The following TMOD3 variants were observed in gnomAD, a reference collection of about 807,000 sequenced individuals.
The protein encoded by TMOD3 is tropomodulin 3.
A neutral mutation model predicts 39.2 loss-of-function variants in TMOD3; 20 were observed. The observed-to-expected ratio is 0.51, with a 90% CI of 0.36 to 0.74. TMOD3 has a LOEUF of 0.74. Among genes scored for constraint, TMOD3 ranks in the 30% least tolerant of loss-of-function variants. The pLI, the probability that TMOD3 is intolerant of heterozygous loss-of-function variation, is 0.00. For missense variants in TMOD3, 381 were observed against 412.8 expected (o/e 0.92, Z 0.67); for synonymous variants, 143 against 145.8 (o/e 0.98, Z 0.14).
In TMOD3 at chr15:51,850,731, T is replaced by TTTTG. The variant is rs755369260; in HGVS notation, c.-74-12059_-74-12056dup. On this transcript the variant is annotated intron_variant, in intron 1 of 9. Transcript: ENST00000308580. ...GGTGAGGAGTAGGAAGAGTTAGGTTTTTTGTTTGTTTGTTTGTTTGTTTGA... is the reference window on the plus strand; with the variant it reads ...GGTGAGGAGTAGGAAGAGTTAGGTTTTTTGTTTGTTTGTTTGTTTGTTTGTTTGA... 5.5e-3 allele frequency among the ~76,000 whole-genome samples: 831 copies of TTTTG among 152,004 alleles called. 10 individuals carry two copies. The highest frequency in any genetic ancestry group is 0.019 in the African/African-American group (773 of 41,428).
chr15:51,861,373 A>G, intron 1 of TMOD3: 1 of 190,102 alleles, frequency 5.3e-6, no homozygotes, highest in East Asian at 1.4e-4. Flanking sequence ...TTGTTGTTGG[A>G]CCCAAGGTGG....
chr15:51,850,880 C>A (rs575462984), intron 1 of TMOD3, among the ~76,000 whole-genome samples: 1 of 152,062 alleles, frequency 6.6e-6, no homozygotes, highest in Admixed American at 6.5e-5. Flanking sequence ...ATTATAGGCA[C>A]GCGCCACCAC....
At chr15:51,886,360 A>C (rs1164198965) in intron 3 of TMOD3, among the ~76,000 whole-genome samples, 1 of 152,174 alleles carries the variant, frequency 6.6e-6, no homozygotes, top group African/African-American at 2.4e-5. Context: ...ACGCCACTGC[A>C]CTCCAGCCTG....
chr15:51,864,140 A>G (rs760085807), intron 2 of TMOD3, among the ~76,000 whole-genome samples: 14 of 151,830 alleles, frequency 9.2e-5, no homozygotes, highest in Non-Finnish European at 1.6e-4. Flanking sequence ...TGGTGCACGC[A>G]TGTAGCCCCA....
chr15:51,876,006 T>A (rs1017923861), intron 3 of TMOD3, among the ~76,000 whole-genome samples: 1 of 152,204 alleles, frequency 6.6e-6, no homozygotes, highest in Non-Finnish European at 1.5e-5. Flanking sequence ...CCTTGATGAA[T>A]TGTCCCTTTT....
intron 1 of TMOD3, among the ~76,000 whole-genome samples, chr15:51,855,789 G>GAAAGA (rs1217771691): frequency 6.6e-6 from 1 of 152,192 alleles, no homozygotes; most frequent in Non-Finnish European, 1.5e-5. Context: ...TCCCAGAACA[G>GAAAGA]AAAGAAAAGC....
chr15:51,853,431 A>G (rs535712419), intron 1 of TMOD3, among the ~76,000 whole-genome samples: 50 of 152,192 alleles, frequency 3.3e-4, no homozygotes, highest in African/African-American at 1.2e-3. Flanking sequence ...AAACTCCTGG[A>G]CTTAAGCGAT....
chr15:51,853,247 G>C (rs1204519679), intron 1 of TMOD3, among the ~76,000 whole-genome samples: 5 of 152,144 alleles, frequency 3.3e-5, no homozygotes, highest in East Asian at 1.9e-4. Flanking sequence ...TGTCACCCAG[G>C]CTGGAGTGCA....
intron 1 of TMOD3, among the ~76,000 whole-genome samples, chr15:51,832,594 G>C (rs1810458169): frequency 6.6e-6 from 1 of 152,056 alleles, no homozygotes; most frequent in African/African-American, 2.4e-5. Context: ...CCACTTGGGA[G>C]ACTGAGGCAG....
At chr15:51,879,856 TCACACACA>T (rs68117829) in intron 3 of TMOD3, among the ~76,000 whole-genome samples, 3 of 142,656 alleles carry the variant, frequency 2.1e-5, no homozygotes, top group Non-Finnish European at 3.0e-5. Flanking sequence ...TCTCTGTCTT[TCACACACA>T]CACACACACA....
intron 7 of TMOD3, among the ~76,000 whole-genome samples, chr15:51,898,364 T>A (rs2056632169): frequency 6.6e-6 from 1 of 152,256 alleles, no homozygotes; most frequent in Non-Finnish European, 1.5e-5. Context: ...GACCGTGCTA[T>A]ATAAAATACC....
intron 6 of TMOD3, among the ~76,000 whole-genome samples, chr15:51,894,204 A>G (rs1382612830): frequency 6.6e-6 from 1 of 152,306 alleles, no homozygotes; most frequent in South Asian, 2.1e-4. Flanking sequence ...CAGGTTTTCT[A>G]AATACTGCCC....
At chr15:51,838,573 G>C (rs1277427475) in intron 1 of TMOD3, among the ~76,000 whole-genome samples, 1 of 151,962 alleles carries the variant, frequency 6.6e-6, no homozygotes, top group East Asian at 1.9e-4. Flanking sequence ...GCTCTCTTTG[G>C]CTTCTTTCTG....
At chr15:51,860,957 A>T (rs2056414882) in intron 1 of TMOD3, 4 of 499,740 alleles carry the variant, frequency 8.0e-6, no homozygotes, top group Non-Finnish European at 1.2e-5. Context: ...AAAAACCTAC[A>T]TAGGAGAGCC....
chr15:51,830,628 G>C (rs1285536488), intron 1 of TMOD3, among the ~76,000 whole-genome samples: 1 of 152,138 alleles, frequency 6.6e-6, no homozygotes, highest in Non-Finnish European at 1.5e-5. Flanking sequence ...CTTACCCCAG[G>C]AGGCCATACT....
intron 3 of TMOD3, among the ~76,000 whole-genome samples, chr15:51,870,127 T>G (rs1881469801): frequency 6.6e-6 from 1 of 152,098 alleles, no homozygotes; most frequent in Non-Finnish European, 1.5e-5. Flanking sequence ...TTAGTAGAGA[T>G]GGGGTTTCAC....
At chr15:51,860,927 C>G (rs946956010) in intron 1 of TMOD3, 1 of 449,326 alleles carries the variant, frequency 2.2e-6, no homozygotes, top group East Asian at 6.3e-5. Context: ...CAGAGCAAGA[C>G]TCCATCTCAA....
chr15:51,895,350 C>G (rs1451782150), intron 6 of TMOD3, among the ~76,000 whole-genome samples: 1 of 151,466 alleles, frequency 6.6e-6, no homozygotes, highest in Non-Finnish European at 1.5e-5. Flanking sequence ...CTCCTGAATA[C>G]CTGGGATTAC....
chr15:51,898,131 C>T (rs1372316744), intron 7 of TMOD3, among the ~76,000 whole-genome samples: 1 of 152,176 alleles, frequency 6.6e-6, no homozygotes, highest in Non-Finnish European at 1.5e-5. Flanking sequence ...TTTCAGTGGC[C>T]TTATAAGGCT....
Sources: allele counts gnomAD v4.1 joint callset (sites outside exome capture counted in the v4.1 genomes callset), GRCh38; gene constraint gnomAD v4.1.1; transcripts MANE v1.5; gene names NCBI Gene and HGNC (gene_info 2026-07-23, HGNC 2026-07-21).